AGMO: variants seen among roughly 807,000 people sequenced by gnomAD.
AGMO encodes alkylglycerol monooxygenase.
A neutral mutation model predicts 60.2 loss-of-function variants in AGMO; 75 were observed. The observed-to-expected ratio is 1.25, with a 90% CI of 1.03 to 1.51. The LOEUF (loss-of-function observed/expected upper bound fraction) is 1.51, where lower values mean the gene tolerates loss of function less well. AGMO is among the 40% of genes most tolerant of loss of function. The probability of loss-of-function intolerance (pLI) is 0.00; values close to 1 mark genes in which losing one functional copy is unlikely to be tolerated. For missense variants in AGMO, 763 were observed against 525.5 expected (o/e 1.45, Z -4.42); for synonymous variants, 261 against 177.1 (o/e 1.47, Z -3.76).
At chr7:15,233,541 C>G (rs1274436487) in intron 12 of AGMO, among the ~76,000 whole-genome samples, 1 of 150,434 alleles carries the variant, frequency 6.6e-6, no homozygotes, top group Non-Finnish European at 1.5e-5. Context: ...TTAATGGTTA[C>G]AGAGAGTTGT....
intron 12 of AGMO, among the ~76,000 whole-genome samples, chr7:15,209,640 C>A (rs1432435636): frequency 1.3e-5 from 2 of 152,266 alleles, no homozygotes; most frequent in South Asian, 2.1e-4. Context: ...AGAGATGGGA[C>A]TGCACAAATG....
At chr7:15,485,153 A>G (rs1165880403) in intron 3 of AGMO, among the ~76,000 whole-genome samples, 2 of 150,378 alleles carry the variant, frequency 1.3e-5, no homozygotes, top group Non-Finnish European at 3.0e-5. Context: ...AAAAAAAAAA[A>G]AAAAAAAGAA....
chr7:15,339,799 A>C (rs1280275326), intron 12 of AGMO, among the ~76,000 whole-genome samples: 3 of 152,346 alleles, frequency 2.0e-5, no homozygotes, highest in South Asian at 4.1e-4. Flanking sequence ...CAATGAAGTT[A>C]GTTAATGAAA....
chr7:15,482,611 GA>G (rs1782789437), intron 3 of AGMO, among the ~76,000 whole-genome samples: 1 of 152,068 alleles, frequency 6.6e-6, no homozygotes, highest in Non-Finnish European at 1.5e-5. Flanking sequence ...CTGTAGAGCA[GA>G]AAAAGTAGGG....
chr7:15,196,470 A>G (rs1583283384), downstream of AGMO, among the ~76,000 whole-genome samples: 1 of 152,214 alleles, frequency 6.6e-6, no homozygotes, highest in Non-Finnish European at 1.5e-5. Flanking sequence ...CATCTTTGCT[A>G]TAGAAACAAT....
At chr7:15,533,923 C>A (rs1409310263) in intron 3 of AGMO, among the ~76,000 whole-genome samples, 1 of 152,024 alleles carries the variant, frequency 6.6e-6, no homozygotes, top group African/African-American at 2.4e-5. Flanking sequence ...GTAGCACAAG[C>A]TATATATTGT....
intron 12 of AGMO, among the ~76,000 whole-genome samples, chr7:15,361,547 A>AAAAAAAAAAAAAAAAAAAG (rs1418068575): frequency 1.3e-5 from 1 of 79,686 alleles, no homozygotes; most frequent in Non-Finnish European, 2.4e-5. Context: ...CTCAAAAAAA[A>AAAAAAAAAAAAAAAAAAAG]AAAAAAAGGT....
At chr7:15,523,429 A>G (rs1439062300) in intron 3 of AGMO, among the ~76,000 whole-genome samples, 1 of 152,186 alleles carries the variant, frequency 6.6e-6, no homozygotes, top group East Asian at 1.9e-4. Flanking sequence ...CTTGGAACCC[A>G]CTCAAATGCC....
intron 3 of AGMO, among the ~76,000 whole-genome samples, chr7:15,495,819 ACTCT>A (rs779052709): frequency 9.1e-4 from 127 of 139,688 alleles, no homozygotes; most frequent in African/African-American, 2.1e-3. Flanking sequence ...GGGGATGGAG[ACTCT>A]CTCTCTCTCT....
chr7:15,253,589 A>G (rs770709980), intron 12 of AGMO, among the ~76,000 whole-genome samples: 1 of 152,160 alleles, frequency 6.6e-6, no homozygotes, highest in Non-Finnish European at 1.5e-5. Flanking sequence ...ATGATTATAC[A>G]TATTTAGGGA....
the AGMO span, among the ~76,000 whole-genome samples, chr7:15,138,122 G>A: frequency 6.6e-6 from 1 of 152,038 alleles, no homozygotes; most frequent in Non-Finnish European, 1.5e-5. Flanking sequence ...CAAAAAGTTA[G>A]AATTGCTCTC....
At chr7:15,522,071 C>A (rs1784009581) in intron 3 of AGMO, among the ~76,000 whole-genome samples, 1 of 151,960 alleles carries the variant, frequency 6.6e-6, no homozygotes, top group Admixed American at 6.6e-5. Context: ...AAAGAGAGAG[C>A]CAAATCATGA....
chr7:15,505,652 T>C (rs768485995), intron 3 of AGMO, among the ~76,000 whole-genome samples: 12 of 152,018 alleles, frequency 7.9e-5, no homozygotes, highest in Non-Finnish European at 1.8e-4. Context: ...GAACATAACA[T>C]GAACATAACA....
At chr7:15,532,797 C>A (rs1190441904) in intron 3 of AGMO, among the ~76,000 whole-genome samples, 2 of 152,002 alleles carry the variant, frequency 1.3e-5, no homozygotes, top group Admixed American at 6.6e-5. Context: ...TCAAGAACAG[C>A]CTGGACAATG....
the AGMO span, among the ~76,000 whole-genome samples, chr7:15,189,267 A>T: frequency 0.87 from 131,981 of 152,116 alleles, 57,496 homozygotes; most frequent in East Asian, 1. Context: ...ATTATTAATG[A>T]AATTTACAAA....
At chr7:15,526,331 A>T (rs1444224078) in intron 3 of AGMO, among the ~76,000 whole-genome samples, 1 of 152,220 alleles carries the variant, frequency 6.6e-6, no homozygotes, top group African/African-American at 2.4e-5. Flanking sequence ...ATCTTGCTAC[A>T]TGGCATCCTT....
chr7:15,425,851 A>G (rs1781046522), intron 4 of AGMO, among the ~76,000 whole-genome samples: 1 of 152,208 alleles, frequency 6.6e-6, no homozygotes, highest in Non-Finnish European at 1.5e-5. Flanking sequence ...ATACCAACGT[A>G]GAGAACATAG....
At position 15,359,064 on chromosome 7, in the gene AGMO, C is replaced by T. The variant is rs140022832; in HGVS notation, c.1263+6450G>A. Among the ~76,000 whole-genome samples, 632 of 152,022 alleles carry T rather than the reference C, an allele frequency of 4.2e-3. 2 individuals are homozygous for T. The highest frequency in any genetic ancestry group is 5.5e-3 in the Non-Finnish European group (375 of 67,950). On this transcript the variant is annotated intron_variant, in intron 12 of 12. Coordinates refer to ENST00000342526, the MANE Select transcript of AGMO (RefSeq NM_001004320.2). ...CAGCACTTTGGGAGGCCAAGACAGG[C>T]GGATCATGAGGTCAGGAGATTGAGA...
At chr7:15,372,417 T>C (rs1783257045) in intron 10 of AGMO, among the ~76,000 whole-genome samples, 2 of 152,108 alleles carry the variant, frequency 1.3e-5, no homozygotes, top group East Asian at 1.9e-4. Flanking sequence ...GATCATGCCA[T>C]TGCACTCCAG....
Sources: allele counts gnomAD v4.1 joint callset (sites outside exome capture counted in the v4.1 genomes callset), GRCh38; gene constraint gnomAD v4.1.1; transcripts MANE v1.5; gene names NCBI Gene and HGNC (gene_info 2026-07-23, HGNC 2026-07-21).